Variants in CELF5 observed in about 807,000 individuals in gnomAD.
CELF5 encodes CUGBP Elav-like family member 5.
CELF5 carries 6 observed loss-of-function variants against 54.9 expected under a neutral mutation model. That is an observed-to-expected ratio of 0.11 (90% CI 0.06 to 0.22). The LOEUF is 0.22. Ranked by LOEUF, CELF5 falls within the 10% of genes least tolerant of loss-of-function variation. The pLI, the probability that CELF5 is intolerant of heterozygous loss-of-function variation, is 1.00. For synonymous variants in CELF5, 271 were observed against 290.9 expected (o/e 0.93, Z 0.70); for missense variants, 401 against 678.6 (o/e 0.59, Z 4.54).
chr19:3,271,156 G>A (rs1383114833), intron 2 of CELF5, among the ~76,000 whole-genome samples: 1 of 151,860 alleles, frequency 6.6e-6, no homozygotes, highest in Non-Finnish European at 1.5e-5. Flanking sequence ...CAAGGTGCTG[G>A]GAGGGGGGAG....
chr19:3,243,531 C>T (rs943142149), intron 1 of CELF5, among the ~76,000 whole-genome samples: 1 of 152,178 alleles, frequency 6.6e-6, no homozygotes, highest in Non-Finnish European at 1.5e-5. Flanking sequence ...ATCCTTCTGC[C>T]TCGGCCTCTG....
chr19:3,295,932 C>T (rs1486835709), intron 12 of CELF5: 1 of 152,264 alleles, frequency 6.6e-6, no homozygotes, highest in African/African-American at 2.4e-5. Flanking sequence ...GCCTTCGAAT[C>T]ACCAGCCTCG....
At chr19:3,249,593 G>A (rs942252992) in intron 1 of CELF5, among the ~76,000 whole-genome samples, 4 of 151,466 alleles carry the variant, frequency 2.6e-5, no homozygotes, top group African/African-American at 7.3e-5. Flanking sequence ...CATCCCTAAT[G>A]TCATCCAATC....
chr19:3,291,601 T>A (rs1436032644), intron 11 of CELF5, among the ~76,000 whole-genome samples: 1 of 144,104 alleles, frequency 6.9e-6, no homozygotes, highest in Non-Finnish European at 1.5e-5. Context: ...AACTGAGGCC[T>A]GAATGAGGAG....
chr19:3,285,115 T>A, intron 9 of CELF5, 151 bp downstream of exon 9: 2 of 612,986 alleles, frequency 3.3e-6, no homozygotes, highest in Non-Finnish European at 5.6e-6. Flanking sequence ...CCTTAGCCCC[T>A]TGTCCTGTAT....
In CELF5 at chr19:3,281,225, G is replaced by A. The variant is rs1367871529; in HGVS notation, c.630G>A (p.Lys210=). 6.2e-7 allele frequency: 1 copy of A among 1,608,938 alleles called. No homozygotes were observed. ...MPGASSSLVV[K]FADTDKERTL... ...GAGCCTCCTCCAGCCTGGTGGTCAA[G>A]TTCGCCGACACGGACAAGGAGCGGA... Residue 210 remains lysine (K), a synonymous_variant, in exon 6 of 13, where the codon AAG becomes AAA. Transcript: ENST00000292672. This position sits in a 1 kb window ranked among gnomAD's most constrained non-coding sequence, Gnocchi z 6.5.
At position 3,293,438 on chromosome 19, in the gene CELF5, C is replaced by A. The variant is rs765413057; in HGVS notation, c.1450C>A (p.Pro484Thr). Reference protein sequence around the residue: ...QLKRPKDPGHPY With the variant: ...QLKRPKDPGHTY Reference sequence around the variant, plus strand: ...GAAGCGGCCCAAAGACCCGGGACACCCCTACTGACCGCGCCCACAGCCGCC... The same window carrying A: ...GAAGCGGCCCAAAGACCCGGGACACACCTACTGACCGCGCCCACAGCCGCC... Residue 484 changes from proline to threonine, a missense_variant, in exon 12 of 13, where the codon CCC becomes ACC. Physicochemically the swap from Pro to Thr is conservative, Grantham distance 38. Around this residue, in one of 6 missense-constraint regions of CELF5, gnomAD observed 59 missense variants for 128.8 expected, o/e 0.46. Coordinates refer to ENST00000292672, the MANE Select transcript of CELF5 (RefSeq NM_021938.4). 1 of 1,614,024 alleles carries A rather than the reference C, an allele frequency of 6.2e-7. No homozygotes were observed. The highest frequency in any genetic ancestry group is 8.5e-7 in the Non-Finnish European group (1 of 1,179,922).
At chr19:3,247,567 T>C (rs574686576) in intron 1 of CELF5, among the ~76,000 whole-genome samples, 1 of 151,312 alleles carries the variant, frequency 6.6e-6, no homozygotes. Context: ...CGGTCTCTCT[T>C]TCTATGTCTC....
chr19:3,290,340 T>C lies in CELF5; in HGVS notation c.1296T>C (p.Phe432=). Residue 432 remains phenylalanine (F), a synonymous_variant, in exon 11 of 13, where the codon TTT becomes TTC. Coordinates refer to ENST00000292672, the MANE Select transcript of CELF5 (RefSeq NM_021938.4). ...PFGNIISSKV[F]MDRATNQSKC... is the part of the protein sequence containing the mutation. ...GCAATATCATTTCCTCCAAGGTGTTTATGGATCGAGCTACCAACCAGAGCA... is the reference window on the plus strand; with the variant it reads ...GCAATATCATTTCCTCCAAGGTGTTCATGGATCGAGCTACCAACCAGAGCA... 1.9e-6 allele frequency: 3 copies of C among 1,613,936 alleles called. No homozygotes were observed. The highest frequency in any genetic ancestry group is 2.5e-6 in the Non-Finnish European group (3 of 1,179,934).
chr19:3,293,280 C>T (rs746112058), intron 11 of CELF5, 39 bp from the exon 12 acceptor site: 11 of 1,611,590 alleles, frequency 6.8e-6, no homozygotes, highest in East Asian at 2.2e-5. Context: ...CGAGGACACC[C>T]GCAGCGCCAA....
rs796509345 is a variant in CELF5 at position 3,248,914 on chromosome 19, CTTTCTTTCTTTCT to C, written c.260-2063_260-2051del. ...CCTTCCTTCCTTCCTTCCTTTCTTTCTTTCTTTCTTTCTTTTCTTTTCTTTTCTTTTCTTTCTT... is the reference window on the plus strand; with the variant it reads ...CCTTCCTTCCTTCCTTCCTTTCTTTCTTTCTTTTCTTTTCTTTTCTTTCTT... On this transcript the variant is annotated intron_variant, in intron 1 of 12. Coordinates refer to ENST00000292672, the MANE Select transcript of CELF5 (RefSeq NM_021938.4). Among the ~76,000 whole-genome samples the C allele has an allele frequency of 3.2e-3, 397 of 124,510 alleles. 3 individuals are homozygous for C. Among genetic ancestry groups the C allele is most frequent in the African/African-American group, 8.8e-3 (302 of 34,462 alleles). 81.7% of individuals were successfully genotyped at this position (124,510 alleles called of 152,430 possible).
chr19:3,242,644 A>G (rs941850375), intron 1 of CELF5, among the ~76,000 whole-genome samples: 1 of 152,112 alleles, frequency 6.6e-6, no homozygotes, highest in Non-Finnish European at 1.5e-5. Context: ...TGTCTCTACT[A>G]AAAATACAAA....
At chr19:3,247,160 T>C (rs889119805) in intron 1 of CELF5, among the ~76,000 whole-genome samples, 11 of 152,254 alleles carry the variant, frequency 7.2e-5, no homozygotes, top group Admixed American at 5.2e-4. Flanking sequence ...ACAGTCTGAC[T>C]GTGTCACCCA....
At chr19:3,230,024 C>G (rs1917175472) in intron 1 of CELF5, among the ~76,000 whole-genome samples, 1 of 152,152 alleles carries the variant, frequency 6.6e-6, no homozygotes, top group African/African-American at 2.4e-5. Flanking sequence ...CTCTTTCACC[C>G]CTCAAATTGG....
At chr19:3,263,120 G>A (rs868678658) in intron 2 of CELF5, among the ~76,000 whole-genome samples, 2 of 151,392 alleles carry the variant, frequency 1.3e-5, no homozygotes, top group East Asian at 1.9e-4. Flanking sequence ...GGTGGCAGGC[G>A]CCTATAATCC....
chr19:3,242,283 C>T (rs1402615664), intron 1 of CELF5, among the ~76,000 whole-genome samples: 1 of 152,154 alleles, frequency 6.6e-6, no homozygotes, highest in East Asian at 1.9e-4. Flanking sequence ...CCTGTAATCC[C>T]AGTGCTTTGG....
Position 3,275,813 on chromosome 19 carries a change from C to T in CELF5, c.395-43C>T, listed in dbSNP as rs1256932572. The stretch of plus-strand genomic sequence containing the variant: ...GAGGGAGGAATCCCGGAGGCCCTCC[C>T]GGAGGCCGGGGACTCGGCTGAGGTG... On this transcript the variant is annotated intron_variant, in intron 3 of 12. Transcript: ENST00000292672. The surrounding 1 kb of genome is among the most constrained non-coding windows in gnomAD (Gnocchi z 6.7). The T allele has an allele frequency of 1.3e-6, 2 of 1,578,356 alleles. No homozygotes were observed. Among genetic ancestry groups the T allele is most frequent in the Admixed American group, 1.7e-5 (1 of 58,570 alleles).
At chr19:3,269,131 C>T (rs996893205) in intron 2 of CELF5, among the ~76,000 whole-genome samples, 17 of 152,074 alleles carry the variant, frequency 1.1e-4, no homozygotes, top group South Asian at 2.1e-4. Context: ...GTCCACCTTC[C>T]TTCCTTCTCT....
chr19:3,294,511 C>T (rs2080403284), intron 12 of CELF5: 1 of 152,182 alleles, frequency 6.6e-6, no homozygotes, highest in African/African-American at 2.4e-5. Context: ...TTTTCACCTT[C>T]TCCCGGGTCA....
Sources: allele counts gnomAD v4.1 joint callset (sites outside exome capture counted in the v4.1 genomes callset), GRCh38; gene constraint gnomAD v4.1.1; regional missense constraint gnomAD v4.1.1; non-coding constraint Gnocchi (gnomAD v3.1); transcripts MANE v1.5; gene names NCBI Gene and HGNC (gene_info 2026-07-23, HGNC 2026-07-21).